Variants in MORN4 observed in about 807,000 individuals in gnomAD.
MORN4 encodes the protein MORN repeat containing 4.
MORN4 carries 8 observed loss-of-function variants against 16.4 expected under a neutral mutation model. The observed-to-expected ratio is 0.49, with a 90% CI of 0.29 to 0.88. MORN4 has a LOEUF of 0.88. MORN4 is among the 40% of genes least tolerant of loss of function. MORN4 has a pLI of 0.09. For missense variants in MORN4, 159 were observed against 182.9 expected (o/e 0.87, Z 0.75); for synonymous variants, 53 against 68.9 (o/e 0.77, Z 1.14).
chr10:97,625,851 C>T (rs1307282180), intron 1 of MORN4, among the ~76,000 whole-genome samples: 1 of 152,090 alleles, frequency 6.6e-6, no homozygotes, highest in Non-Finnish European at 1.5e-5. Context: ...CACTGCAACC[C>T]TGAACTTGTG....
chr10:97,621,836 G>T (rs1206387187), intron 1 of MORN4, among the ~76,000 whole-genome samples: 1 of 152,068 alleles, frequency 6.6e-6, no homozygotes, highest in Non-Finnish European at 1.5e-5. Context: ...CTGCATTCCA[G>T]CCTGGGCGAC....
chr10:97,622,175 A>G (rs182097654), intron 1 of MORN4, among the ~76,000 whole-genome samples: 77 of 152,306 alleles, frequency 5.1e-4, no homozygotes, highest in African/African-American at 1.8e-3. Flanking sequence ...CACAGGATAA[A>G]TAAATGGTTA....
At chr10:97,626,005 T>C (rs2041342631) in intron 1 of MORN4, among the ~76,000 whole-genome samples, 2 of 151,764 alleles carry the variant, frequency 1.3e-5, no homozygotes, top group African/African-American at 4.8e-5. Flanking sequence ...AAGCAATCTC[T>C]GGCCTTGGCC....
At chr10:97,618,183 TA>T in intron 2 of MORN4, among the ~76,000 whole-genome samples, 1 of 148,810 alleles carries the variant, frequency 6.7e-6, no homozygotes, top group South Asian at 2.1e-4. Flanking sequence ...CATCTCAAAA[TA>T]AATAAATAAA....
At chr10:97,629,293 A>T (rs1393827796) in intron 1 of MORN4, among the ~76,000 whole-genome samples, 3 of 152,226 alleles carry the variant, frequency 2.0e-5, no homozygotes, top group Non-Finnish European at 4.4e-5. Flanking sequence ...AGGCTGAGGC[A>T]GGAGAATTGC....
At chr10:97,620,147 G>C (rs1214856207) in intron 1 of MORN4, among the ~76,000 whole-genome samples, 1 of 151,870 alleles carries the variant, frequency 6.6e-6, no homozygotes, top group East Asian at 1.9e-4. Context: ...TTTAAAACAA[G>C]CAGACAAGCA....
At position 97,633,342 on chromosome 10, in the gene MORN4, C is replaced by A. The variant is rs1344280736; in HGVS notation, c.-31+5G>T. 2 of 1,289,554 alleles carry A rather than the reference C, an allele frequency of 1.6e-6. No homozygotes were observed. Among genetic ancestry groups the A allele is most frequent in the South Asian group, 2.5e-5 (2 of 81,008 alleles). 79.9% of individuals were successfully genotyped at this position (1,289,554 alleles called of 1,614,324 possible). ...GGCCCCCTCCCTCCTGCGCCTCCAG[C>A]CAACCTGGGGCCGGCCTTTCGGGAT... is the stretch of plus-strand genomic sequence containing the variant. On this transcript the variant is annotated splice_donor_5th_base_variant and intron_variant, in intron 1 of 4. Coordinates refer to ENST00000307450, the MANE Select transcript of MORN4 (RefSeq NM_178832.4). The surrounding 1 kb of genome is among the most constrained non-coding windows in gnomAD (Gnocchi z 4.5).
chr10:97,625,484 T>C (rs1205132390), intron 1 of MORN4, among the ~76,000 whole-genome samples: 1 of 152,226 alleles, frequency 6.6e-6, no homozygotes, highest in Non-Finnish European at 1.5e-5. Flanking sequence ...CGTAAGTACC[T>C]AGAACACTGC....
At chr10:97,633,596 G>T (rs1335701517), upstream of MORN4, 23 of 1,289,106 alleles carry the variant, frequency 1.8e-5, no homozygotes, top group African/African-American at 3.2e-4. The surrounding 1 kb of genome is among the most constrained non-coding windows in gnomAD (Gnocchi z 4.5). Flanking sequence ...ATCTTTGTGC[G>T]GGGCCGAGTG....
intron 1 of MORN4, among the ~76,000 whole-genome samples, chr10:97,628,681 G>A (rs2041370206): frequency 6.6e-6 from 1 of 152,184 alleles, no homozygotes; most frequent in Non-Finnish European, 1.5e-5. Flanking sequence ...TTACAGGCGT[G>A]CCAGCACGGC....
chr10:97,628,064 C>T (rs190193986), intron 1 of MORN4, among the ~76,000 whole-genome samples: 31 of 152,328 alleles, frequency 2.0e-4, no homozygotes, highest in East Asian at 1.7e-3. Context: ...CAATCCTCAG[C>T]TCTTCCCAGA....
chr10:97,625,947 G>T (rs1244125912), intron 1 of MORN4, among the ~76,000 whole-genome samples: 1 of 152,026 alleles, frequency 6.6e-6, no homozygotes, highest in African/African-American at 2.4e-5. Flanking sequence ...TTTTTGTAGA[G>T]ACCGTGTCCC....
chr10:97,618,791 T>G (rs1405215101), intron 2 of MORN4, among the ~76,000 whole-genome samples: 1 of 151,530 alleles, frequency 6.6e-6, no homozygotes, highest in Non-Finnish European at 1.5e-5. Flanking sequence ...CTGGTTGTTT[T>G]TTTTTTTTTT....
At position 97,633,403 on chromosome 10, in the gene MORN4, G is replaced by A; in HGVS notation, c.-87C>T. 2 of 1,289,884 alleles carry A rather than the reference G, an allele frequency of 1.6e-6. No homozygotes were observed. Among genetic ancestry groups the A allele is most frequent in the Non-Finnish European group, 2.0e-6 (2 of 988,902 alleles). 79.9% of individuals were successfully genotyped at this position (1,289,884 alleles called of 1,614,324 possible). A position where few individuals can be genotyped will look rare whatever the true frequency, so the allele number is the denominator to read the frequency against. ...CCTGGACGCAGGGTTCCAGCGCCTC[G>A]GACTTTTCCTCTGATGGGCTCCCGG... On this transcript the variant is annotated 5_prime_UTR_variant, in exon 1 of 5. An upstream open reading frame in the 5' UTR gains an earlier in-frame stop. Transcript: ENST00000307450. The surrounding 1 kb of genome is among the most constrained non-coding windows in gnomAD (Gnocchi z 4.5).
rs753668826 is a variant in MORN4, at chr10:97,616,411, C to G, written c.293G>C (p.Gly98Ala). The G allele has an allele frequency of 3.1e-6, 5 of 1,595,580 alleles. No homozygotes were observed. Among genetic ancestry groups the G allele is most frequent in the Admixed American group, 1.8e-5 (1 of 56,594 alleles). ...AGAACCATCAGGGAAAGTCAGCAGG[C>G]CTTTGAGGAGGGCAGAGAAAATATG... is the stretch of plus-strand genomic sequence containing the variant. ...EFKNGRVDGF[G>A]LLTFPDGSHG... is the part of the protein sequence containing the mutation. Residue 98 changes from glycine (G) to alanine (A), a missense_variant and splice_region_variant, in exon 5 of 5, where the codon GGC (glycine) becomes GCC (alanine). Physicochemically the swap from Gly to Ala is moderately conservative, Grantham distance 60. Transcript: ENST00000307450.
chr10:97,631,673 C>T, intron 1 of MORN4, among the ~76,000 whole-genome samples: 1 of 151,694 alleles, frequency 6.6e-6, no homozygotes, highest in East Asian at 1.9e-4. Flanking sequence ...ATGGCTCACT[C>T]CTGTAATCCC....
chr10:97,633,256 C>A lies in MORN4; in HGVS notation c.-31+91G>T, dbSNP rs564036724. The A allele has an allele frequency of 8.1e-7, 1 of 1,234,728 alleles. No individual in the cohort carries two copies. The highest frequency in any genetic ancestry group is 1.0e-6 in the Non-Finnish European group (1 of 956,386). 76.5% of individuals were successfully genotyped at this position (1,234,728 alleles called of 1,614,324 possible). On this transcript the variant is annotated intron_variant, in intron 1 of 4. Coordinates refer to ENST00000307450, the MANE Select transcript of MORN4 (RefSeq NM_178832.4). This position sits in a 1 kb window ranked among gnomAD's most constrained non-coding sequence, Gnocchi z 4.5. ...CGTATCCGAGGTGGAGCCGCGCCCC[C>A]GAGCCGGGTCATCTCGTGCTCCGTT... is the stretch of plus-strand genomic sequence containing the variant.
At chr10:97,616,483 C>G in intron 4 of MORN4, 72 bp from the exon 5 acceptor site, 1 of 1,504,412 alleles carries the variant, frequency 6.6e-7, no homozygotes, top group Non-Finnish European at 9.0e-7. Flanking sequence ...ATATCTTTGG[C>G]CTTGATATGT....
chr10:97,616,880 G>T, intron 3 of MORN4, 93 bp from the exon 4 acceptor site: 2 of 898,368 alleles, frequency 2.2e-6, no homozygotes, highest in Non-Finnish European at 3.7e-6. Context: ...ATTTAATGAT[G>T]CTAAGGAGCA....
Sources: allele counts gnomAD v4.1 joint callset (sites outside exome capture counted in the v4.1 genomes callset), GRCh38; gene constraint gnomAD v4.1.1; non-coding constraint Gnocchi (gnomAD v3.1); transcripts MANE v1.5; gene names NCBI Gene and HGNC (gene_info 2026-07-23, HGNC 2026-07-21).